DMXL2: variants seen among roughly 807,000 people sequenced by gnomAD.
DMXL2 encodes Dmx like 2.
In DMXL2, 103 loss-of-function variants were observed where a neutral mutation model predicts 331.1. The observed-to-expected ratio is 0.31, with a 90% CI of 0.27 to 0.37. DMXL2 has a LOEUF of 0.37. DMXL2 is among the 10% of genes least tolerant of loss of function. The pLI is 1.00. For missense variants in DMXL2, 3,171 were observed against 3,642.9 expected, an observed-to-expected ratio of 0.87 and a Z score of 3.33; for synonymous variants, 1,281 against 1,252.1, an observed-to-expected ratio of 1.02 and a Z score of -0.49.
At chr15:51,561,538 G>A (rs1392009923) in intron 6 of DMXL2, among the ~76,000 whole-genome samples, 1 of 150,924 alleles carries the variant, frequency 6.6e-6, no homozygotes, top group East Asian at 1.9e-4. Flanking sequence ...CATACAAGAC[G>A]CCAGTAGTCA....
chr15:51,622,419 C>T (rs2054712740), intron 1 of DMXL2, 40 bp downstream of exon 1: 2 of 1,550,624 alleles, frequency 1.3e-6, no homozygotes, highest in Non-Finnish European at 1.7e-6. Context: ...CCGCGTCTGG[C>T]CCCTGGTATC....
chr15:51,576,719 A>G (rs1487819313), intron 1 of DMXL2, among the ~76,000 whole-genome samples: 1 of 152,216 alleles, frequency 6.6e-6, no homozygotes, highest in African/African-American at 2.4e-5. Flanking sequence ...TAAATGCATC[A>G]AGACTCAAAT....
intron 29 of DMXL2, chr15:51,466,675 T>G (rs2040606807): frequency 6.6e-6 from 1 of 151,892 alleles, no homozygotes; most frequent in Admixed American, 6.6e-5. Context: ...AGAGAGCTAT[T>G]GTGAAGGAAA....
Position 51,542,155 on chromosome 15 carries a change from T to C in DMXL2, c.1105+178A>G, listed in dbSNP as rs150789737. 7.9e-5 allele frequency among the ~76,000 whole-genome samples: 12 copies of C among 152,304 alleles called. No homozygotes were observed. The East Asian group carries it at 1.2e-3, about 15-fold the overall frequency. ...TGAAGTTAATACCCTGAGAATCACA[T>C]AGTCCCAATCACATAGGCCCAATTC... On this transcript the variant is annotated intron_variant, in intron 9 of 43. Transcript: ENST00000560891.
chr15:51,544,802 G>A (rs919702895), intron 8 of DMXL2, among the ~76,000 whole-genome samples: 1 of 152,028 alleles, frequency 6.6e-6, no homozygotes, highest in Non-Finnish European at 1.5e-5. Context: ...CACAGGACTA[G>A]AATAGTTGAA....
At chr15:51,470,834 C>T (rs772951115) in intron 29 of DMXL2, among the ~76,000 whole-genome samples, 13 of 152,098 alleles carry the variant, frequency 8.5e-5, no homozygotes, top group Admixed American at 2.0e-4. Flanking sequence ...CTCATCATGG[C>T]CTGATAAAAC....
chr15:51,530,091 A>T (rs756348235), intron 13 of DMXL2, among the ~76,000 whole-genome samples: 15 of 152,204 alleles, frequency 9.9e-5, no homozygotes, highest in Non-Finnish European at 2.2e-4. Context: ...AAAAGTGGGT[A>T]TAGAAGGAAC....
intron 1 of DMXL2, 105 bp downstream of exon 1, chr15:51,622,354 C>T (rs2141487430): frequency 6.8e-7 from 1 of 1,468,290 alleles, no homozygotes; most frequent in East Asian, 2.5e-5. Flanking sequence ...TGGGGCCCAC[C>T]AACATCTCAC....
intron 15 of DMXL2, among the ~76,000 whole-genome samples, chr15:51,508,707 C>T (rs1280975451): frequency 2.6e-5 from 4 of 152,154 alleles, no homozygotes; most frequent in African/African-American, 4.8e-5. Context: ...ATAACCAGCG[C>T]GCAGACTCCT....
chr15:51,508,038 C>T (rs1317422756), intron 15 of DMXL2, among the ~76,000 whole-genome samples: 2 of 152,092 alleles, frequency 1.3e-5, no homozygotes, highest in Non-Finnish European at 2.9e-5. Flanking sequence ...ATGAGCGCTG[C>T]TAGAGTTAAA....
rs761523449 is a variant in DMXL2, at chr15:51,622,767, G to A, written c.-222C>T. ...CCGCCCGGGTCGCCGCTCAGCTGCG[G>A]AAATGCCCGGATGTTCCCACTGCCT... On this transcript the variant is annotated 5_prime_UTR_variant, in exon 1 of 44. Transcript: ENST00000560891. The A allele has an allele frequency of 3.6e-5, 28 of 776,654 alleles. No homozygotes were observed. Among genetic ancestry groups the A allele is most frequent in the Non-Finnish European group, 5.5e-5 (28 of 513,750 alleles). 48.1% of individuals were successfully genotyped at this position (776,654 alleles called of 1,614,324 possible). A position where few individuals can be genotyped will look rare whatever the true frequency, so the allele number is the denominator to read the frequency against.
chr15:51,594,125 G>A lies in DMXL2; in HGVS notation c.88-17944C>T, dbSNP rs565149087. 7.9e-4 allele frequency among the ~76,000 whole-genome samples: 120 copies of A among 152,264 alleles called. 2 individuals are homozygous for A. In the South Asian group the frequency reaches 0.019, roughly 24 times the overall value. ...CCCTTCAAAAAAATCAATGAATCCAGAAGCTGGTTTTTTGAAAAGATCAAC... is the reference window on the plus strand; with the variant it reads ...CCCTTCAAAAAAATCAATGAATCCAAAAGCTGGTTTTTTGAAAAGATCAAC... On this transcript the variant is annotated intron_variant, in intron 1 of 43. Coordinates refer to ENST00000560891, the MANE Select transcript of DMXL2 (RefSeq NM_001378457.1).
Position 51,622,584 on chromosome 15 carries a change from G to A in DMXL2, c.-39C>T, listed in dbSNP as rs1157881243. The A allele has an allele frequency of 6.5e-7, 1 of 1,530,734 alleles. No homozygotes were observed. Among genetic ancestry groups the A allele is most frequent in the South Asian group, 1.2e-5 (1 of 82,442 alleles). 94.8% of individuals were successfully genotyped at this position (1,530,734 alleles called of 1,614,324 possible). ...GCTGGACAGAATGCGCGGGAGGTGC[G>A]ACAAGCTCCGCGCCTGACCCTCCTC... On this transcript the variant is annotated 5_prime_UTR_variant, in exon 1 of 44. Transcript: ENST00000560891.
intron 6 of DMXL2, among the ~76,000 whole-genome samples, chr15:51,561,880 G>A (rs2049993157): frequency 6.6e-6 from 1 of 152,150 alleles, no homozygotes; most frequent in Admixed American, 6.5e-5. Flanking sequence ...ATAACTTGTA[G>A]TAACATAAAT....
intron 33 of DMXL2, chr15:51,460,304 G>A: frequency 1.0e-6 from 1 of 985,436 alleles, no homozygotes; most frequent in Non-Finnish European, 1.2e-6. Flanking sequence ...TCAGGTGACT[G>A]CCTTCCTTTC....
intron 34 of DMXL2, chr15:51,459,158 G>A: frequency 4.8e-6 from 1 of 207,542 alleles, no homozygotes; most frequent in South Asian, 8.9e-5. Context: ...GAGGCACAGA[G>A]TGGAGTAAAA....
chr15:51,622,567 G>A lies in DMXL2; in HGVS notation c.-22C>T, dbSNP rs1198051401. ...GCATCTCCGGAGCCCGGGCTGGACA[G>A]AATGCGCGGGAGGTGCGACAAGCTC... On this transcript the variant is annotated 5_prime_UTR_variant, in exon 1 of 44. Coordinates refer to ENST00000560891, the MANE Select transcript of DMXL2 (RefSeq NM_001378457.1). The A allele has an allele frequency of 3.2e-6, 5 of 1,542,496 alleles. No individual in the cohort carries two copies. The highest frequency in any genetic ancestry group is 2.6e-6 in the Non-Finnish European group (3 of 1,141,872).
chr15:51,456,362 T>C lies in DMXL2; in HGVS notation c.8345A>G (p.Lys2782Arg). The C allele has an allele frequency of 6.3e-7, 1 of 1,580,448 alleles. No homozygotes were observed. Among genetic ancestry groups the C allele is most frequent in the Non-Finnish European group, 8.6e-7 (1 of 1,165,838 alleles). Reference sequence around the variant, plus strand: ...TCTCTTAACATTATGTAGATTCCTTTTCATAAGCTTTAAAAGAAAATTTTA... The same window carrying C: ...TCTCTTAACATTATGTAGATTCCTTCTCATAAGCTTTAAAAGAAAATTTTA... ...QTSTGASVLM[K>R]RNLHNVKRMT... The change falls in exon 38 of 44, where the codon AAA (lysine) becomes AGA (arginine). Residue 2782 changes from lysine to arginine, a missense_variant. By Grantham distance (26) the Lys-to-Arg change is conservative. Around this residue, in one of 7 missense-constraint regions of DMXL2, gnomAD observed 766 missense variants for 940.5 expected, o/e 0.81. Coordinates refer to ENST00000560891, the MANE Select transcript of DMXL2 (RefSeq NM_001378457.1).
intron 8 of DMXL2, among the ~76,000 whole-genome samples, chr15:51,544,504 G>A (rs367889473): frequency 1.8e-4 from 27 of 152,180 alleles, no homozygotes; most frequent in East Asian, 7.7e-4. Context: ...AGTTTCAGAC[G>A]TTTCTTCATA....
Sources: allele counts gnomAD v4.1 joint callset (sites outside exome capture counted in the v4.1 genomes callset), GRCh38; gene constraint gnomAD v4.1.1; regional missense constraint gnomAD v4.1.1; transcripts MANE v1.5; gene names NCBI Gene and HGNC (gene_info 2026-07-23, HGNC 2026-07-21).